ABCC8: variants seen among roughly 807,000 people sequenced by gnomAD.
ABCC8 encodes ATP binding cassette subfamily C member 8.
Under a neutral mutation model 188.0 loss-of-function variants are expected in ABCC8, and 137 were observed. The ratio of observed to expected loss-of-function variants is 0.73; its 90% confidence interval spans 0.63 to 0.84. The LOEUF is 0.84. ABCC8 is among the 40% of genes least tolerant of loss of function. The pLI is 0.00. For missense variants in ABCC8, 1,750 were observed against 2,072.7 expected, an observed-to-expected ratio of 0.84 and a Z score of 3.02; for synonymous variants, 797 against 846.5, an observed-to-expected ratio of 0.94 and a Z score of 1.01.
chr11:17,418,113 C>T (rs1046211234), intron 16 of ABCC8, among the ~76,000 whole-genome samples: 5 of 152,124 alleles, frequency 3.3e-5, no homozygotes, highest in South Asian at 2.1e-4. Context: ...TTATTCTGAT[C>T]GCCCTCACTT....
chr11:17,461,970 A>G (rs1271962346), intron 4 of ABCC8, 145 bp from the exon 5 acceptor site: 7 of 1,399,818 alleles, frequency 5.0e-6, no homozygotes, highest in Admixed American at 2.5e-5. Flanking sequence ...TATTACCAGG[A>G]AAAGGATTCC....
chr11:17,399,301 A>G (rs111442990), intron 29 of ABCC8, among the ~76,000 whole-genome samples: 2 of 136,278 alleles, frequency 1.5e-5, no homozygotes, highest in Non-Finnish European at 1.6e-5. Context: ...AAAAAAAAAA[A>G]AAACAAATAA....
intron 1 of ABCC8, among the ~76,000 whole-genome samples, chr11:17,476,020 C>G (rs557651678): frequency 3.5e-4 from 54 of 152,328 alleles, no homozygotes; most frequent in Middle Eastern, 3.4e-3. Flanking sequence ...AGAAGTTGCG[C>G]TCTGGAGACA....
intron 5 of ABCC8, chr11:17,461,286 T>G (rs974337232): frequency 8.2e-6 from 4 of 486,530 alleles, no homozygotes; most frequent in Non-Finnish European, 1.5e-5. Flanking sequence ...CACAGGGATG[T>G]GAGAGTCCAG....
At chr11:17,398,767 C>T (rs1326402386) in intron 29 of ABCC8, among the ~76,000 whole-genome samples, 2 of 152,160 alleles carry the variant, frequency 1.3e-5, no homozygotes, top group Non-Finnish European at 2.9e-5. Flanking sequence ...AGCCCCTTGG[C>T]AAGTCCTCTT....
rs746071480 is a variant in ABCC8 at position 17,460,556 on chromosome 11, C to T, written c.943G>A (p.Ala315Thr). 11 of 1,613,886 alleles carry T rather than the reference C, an allele frequency of 6.8e-6. No homozygotes were observed. The highest frequency in any genetic ancestry group is 1.1e-5 in the South Asian group (1 of 91,086). ...ATCCCAAAGATGCACAGTGGCCCGG[C>T]GAAGCCCAGCAGGTCGGCCAAGATG... ...FRILADLLGF[A>T]GPLCIFGIVD... Residue 315 changes from alanine to threonine, a missense_variant, in exon 6 of 39, where the codon GCC (alanine) becomes ACC (threonine). By Grantham distance (58) the Ala-to-Thr change is moderately conservative (BLOSUM62 0). Coordinates refer to ENST00000389817, the MANE Select transcript of ABCC8 (RefSeq NM_000352.6).
intron 8 of ABCC8, 176 bp downstream of exon 8, chr11:17,448,340 G>A: frequency 1.5e-6 from 1 of 655,638 alleles, no homozygotes. Flanking sequence ...GTCAGTGCTT[G>A]CAGAGTATGG....
At position 17,428,788 on chromosome 11, in the gene ABCC8, A is replaced by T. The variant is rs1268804173; in HGVS notation, c.1818-118T>A. On this transcript the variant is annotated intron_variant, in intron 12 of 38. Transcript: ENST00000389817. ...TCAGGCCTGAAGTATAGTCCCACAAAGCCCACACTGAAGGGGGCAGACCAG... is the reference window on the plus strand; with the variant it reads ...TCAGGCCTGAAGTATAGTCCCACAATGCCCACACTGAAGGGGGCAGACCAG... 7.8e-6 allele frequency: 12 copies of T among 1,533,884 alleles called. No homozygotes were observed. In the Admixed American group the frequency reaches 2.4e-4, roughly 30 times the overall value.
At chr11:17,411,415 C>T (rs775731231) in intron 21 of ABCC8, among the ~76,000 whole-genome samples, 5 of 152,192 alleles carry the variant, frequency 3.3e-5, no homozygotes, top group East Asian at 1.9e-4. Context: ...TGAGAGATCG[C>T]GAATGCACCC....
At chr11:17,421,465 G>C (rs1955340065) in intron 16 of ABCC8, among the ~76,000 whole-genome samples, 1 of 152,124 alleles carries the variant, frequency 6.6e-6, no homozygotes, top group African/African-American at 2.4e-5. Context: ...CATTCATTTA[G>C]CAAGTGAATT....
chr11:17,397,550 C>G (rs539730148), intron 31 of ABCC8, 134 bp downstream of exon 31: 2 of 1,432,362 alleles, frequency 1.4e-6, no homozygotes, highest in East Asian at 2.5e-5. Context: ...CCTTCCTGCC[C>G]GCACTGTCCC....
rs889815729 is a variant in ABCC8 at position 17,427,488 on chromosome 11, T to C, written c.2117-334A>G. Among the ~76,000 whole-genome samples, 3 of 152,134 alleles carry C rather than the reference T, an allele frequency of 2.0e-5. No homozygotes were observed. Among genetic ancestry groups the C allele is most frequent in the Admixed American group, 6.5e-5 (1 of 15,282 alleles). ...GGGTCCCACCTCCAACCCACCTCCATACTTTGCTCATGGCTGCCTCTGCCA... is the reference window on the plus strand; with the variant it reads ...GGGTCCCACCTCCAACCCACCTCCACACTTTGCTCATGGCTGCCTCTGCCA... On this transcript the variant is annotated intron_variant, in intron 15 of 38. Transcript: ENST00000389817. The surrounding 1 kb of genome is among the most constrained non-coding windows in gnomAD (Gnocchi z 5.0).
In ABCC8 at chr11:17,463,742, G is replaced by A. The variant is rs1847976897; in HGVS notation, c.413-138C>T. On this transcript the variant is annotated intron_variant, in intron 3 of 38. Coordinates refer to ENST00000389817, the MANE Select transcript of ABCC8 (RefSeq NM_000352.6). ...TGTACATTTCCGAGTAAGTGGATGT[G>A]CACGTGTGAATATATCAGAGTACAT... 4 of 1,117,086 alleles carry A rather than the reference G, an allele frequency of 3.6e-6. No individual in the cohort carries two copies. In the South Asian group the frequency reaches 6.0e-5, roughly 17 times the overall value. 69.2% of individuals were successfully genotyped at this position (1,117,086 alleles called of 1,614,324 possible).
chr11:17,397,835 T>A, intron 30 of ABCC8, 38 bp from the exon 31 acceptor site: 1 of 1,610,550 alleles, frequency 6.2e-7, no homozygotes. Context: ...CGCTCAGGGG[T>A]TAGAGCCACA....
chr11:17,438,554 A>C (rs1956195321), intron 10 of ABCC8, among the ~76,000 whole-genome samples: 1 of 152,182 alleles, frequency 6.6e-6, no homozygotes, highest in Non-Finnish European at 1.5e-5. Flanking sequence ...TGCTTGCCTG[A>C]TAGGACCTAG....
intron 38 of ABCC8, among the ~76,000 whole-genome samples, 191 bp downstream of exon 38, chr11:17,393,506 C>A (rs968988321): frequency 1.1e-4 from 17 of 152,114 alleles, no homozygotes; most frequent in African/African-American, 4.1e-4. Context: ...AGGGGCAAAA[C>A]CCCCCACCCC....
chr11:17,455,143 A>G (rs567510429), intron 6 of ABCC8, among the ~76,000 whole-genome samples: 7 of 152,342 alleles, frequency 4.6e-5, no homozygotes, highest in African/African-American at 1.4e-4. Context: ...GGGTCAGAGC[A>G]GAAGGAGAAT....
intron 13 of ABCC8, 75 bp downstream of exon 13, chr11:17,428,490 G>A: frequency 6.2e-7 from 1 of 1,604,470 alleles, no homozygotes; most frequent in African/African-American, 1.3e-5. Flanking sequence ...AAAGGCAGAA[G>A]TCCGACACAG....
Position 17,397,244 on chromosome 11 carries a change from G to A in ABCC8, c.3937C>T (p.Arg1313Cys), listed in dbSNP as rs757316278. ...TCGGTTTTCAGGAGCCCATGGATGC[G>A]CTTCACAGCCCCCAGCTGGAGCTCC... ...DMELQLGAVK[R>C]IHGLLKTEAE... is the part of the protein sequence containing the mutation. Residue 1313 changes from arginine (R) to cysteine (C), a missense_variant, in exon 32 of 39, where the codon CGC becomes TGC. Arg to Cys is a radical substitution (Grantham distance 180). Coordinates refer to ENST00000389817, the MANE Select transcript of ABCC8 (RefSeq NM_000352.6). 5.0e-6 allele frequency: 8 copies of A among 1,613,534 alleles called. No individual in the cohort carries two copies. Among genetic ancestry groups the A allele is most frequent in the East Asian group, 2.2e-5 (1 of 44,898 alleles).
Sources: gnomAD v4.1 joint callset for allele counts (sites outside exome capture counted in the v4.1 genomes callset) on GRCh38, gnomAD v4.1.1 for gene constraint, Gnocchi (gnomAD v3.1) non-coding constraint, MANE v1.5 for transcripts, NCBI Gene and HGNC (gene_info 2026-07-23, HGNC 2026-07-21) for gene names.